LEKR1: variants seen among roughly 807,000 people sequenced by gnomAD.
LEKR1 encodes the protein leucine, glutamate and lysine rich 1, also known as protein LEKR1.
A neutral mutation model predicts 72.4 loss-of-function variants in LEKR1; 59 were observed. That is an observed-to-expected ratio of 0.82 (90% CI 0.66 to 1.01). The LOEUF is 1.01. Ranked by LOEUF, LEKR1 falls within the 50% of genes least tolerant of loss-of-function variation. The pLI, the probability that LEKR1 is intolerant of heterozygous loss-of-function variation, is 0.00. For synonymous variants in LEKR1, 257 were observed against 263.2 expected (o/e 0.98, Z 0.23); for missense variants, 728 against 759.2 (o/e 0.96, Z 0.48).
chr3:156,919,454 C>A (rs1327151270), intron 3 of LEKR1, among the ~76,000 whole-genome samples: 1 of 152,132 alleles, frequency 6.6e-6, no homozygotes, highest in Non-Finnish European at 1.5e-5. Flanking sequence ...GAGCTTATTC[C>A]TCTGCTGAAT....
intron 12 of LEKR1, among the ~76,000 whole-genome samples, chr3:157,041,310 G>C (rs956390117): frequency 2.0e-5 from 3 of 152,060 alleles, no homozygotes; most frequent in Non-Finnish European, 2.9e-5. Context: ...GGCTCCTACT[G>C]TCCTCCCTGG....
chr3:156,847,558 A>T (rs1714777265), intron 2 of LEKR1, among the ~76,000 whole-genome samples: 1 of 152,252 alleles, frequency 6.6e-6, no homozygotes, highest in South Asian at 2.1e-4. Flanking sequence ...ACAGTATTTC[A>T]TATCTTCTCA....
intron 3 of LEKR1, among the ~76,000 whole-genome samples, chr3:156,880,658 A>G (rs1030288003): frequency 5.3e-5 from 8 of 152,198 alleles, no homozygotes; most frequent in African/African-American, 1.9e-4. Context: ...TATGAGGCCA[A>G]CATCATCCTG....
At chr3:157,038,007 G>A (rs190736696) in intron 12 of LEKR1, among the ~76,000 whole-genome samples, 10 of 152,296 alleles carry the variant, frequency 6.6e-5, no homozygotes, top group South Asian at 6.2e-4. Context: ...TGGAGTCTTC[G>A]TAGGCTATGA....
At chr3:156,875,530 T>A (rs1718452146) in intron 3 of LEKR1, among the ~76,000 whole-genome samples, 1 of 152,232 alleles carries the variant, frequency 6.6e-6, no homozygotes, top group Non-Finnish European at 1.5e-5. Context: ...TTTAGTTTAA[T>A]TAAGTCCCAT....
At chr3:156,984,286 C>G (rs1730487978) in intron 7 of LEKR1, among the ~76,000 whole-genome samples, 1 of 152,098 alleles carries the variant, frequency 6.6e-6, no homozygotes, top group South Asian at 2.1e-4. Context: ...ATGCTTTACA[C>G]TTTGGATATA....
rs1293613010 is a variant in LEKR1 at position 157,045,868 on chromosome 3, A to G, written c.*118A>G. 1 of 900,422 alleles carries G rather than the reference A, an allele frequency of 1.1e-6. No individual in the cohort carries two copies. The highest frequency in any genetic ancestry group is 1.7e-6 in the Non-Finnish European group (1 of 602,476). The allele number at this position is 900,422 out of a possible 1,614,324, so 55.8% of individuals were successfully genotyped here. A position where few individuals can be genotyped will look rare whatever the true frequency, so the allele number is the denominator to read the frequency against. On this transcript the variant is annotated 3_prime_UTR_variant, in exon 13 of 13. Transcript: ENST00000356539. ...TTATTTTCACAGATCAGGAAGGCAT[A>G]CCTATAGATGTATTTAACAAAAGAC...
At chr3:156,938,251 C>T (rs1484408930) in intron 5 of LEKR1, among the ~76,000 whole-genome samples, 1 of 152,078 alleles carries the variant, frequency 6.6e-6, no homozygotes, top group African/African-American at 2.4e-5. Context: ...GCTACAGTTA[C>T]ACAAAATGTC....
At chr3:156,867,272 AC>A (rs1717420518) in intron 3 of LEKR1, among the ~76,000 whole-genome samples, 2 of 152,230 alleles carry the variant, frequency 1.3e-5, no homozygotes, top group African/African-American at 4.8e-5. Flanking sequence ...CAAATTGGAA[AC>A]TTTTTGAGTA....
intron 3 of LEKR1, among the ~76,000 whole-genome samples, chr3:156,904,819 AT>A (rs202183622): frequency 1.3e-5 from 2 of 150,894 alleles, no homozygotes; most frequent in Non-Finnish European, 3.0e-5. Flanking sequence ...GTGTGTATTT[AT>A]TTTTTTTTAT....
At chr3:156,963,364 C>T (rs1375278771) in intron 6 of LEKR1, among the ~76,000 whole-genome samples, 4 of 152,224 alleles carry the variant, frequency 2.6e-5, no homozygotes, top group Non-Finnish European at 4.4e-5. Flanking sequence ...CACACACAGA[C>T]ACTTTTACAC....
In LEKR1 at chr3:157,017,948, C is replaced by CAAAAAAAAAAAAAA. The variant is rs58950224; in HGVS notation, c.1203+6453_1203+6466dup. ...TGGGCCACAGAGCGAGACTCTGTCT[C>CAAAAAAAAAAAAAA]AAAAAAAAAAAAAAAAAAAAAAAAG... On this transcript the variant is annotated intron_variant, in intron 10 of 12. Coordinates refer to ENST00000356539, the MANE Select transcript of LEKR1 (RefSeq NM_001004316.3). Among the ~76,000 whole-genome samples, 57 of 82,960 alleles carry CAAAAAAAAAAAAAA rather than the reference C, an allele frequency of 6.9e-4. 1 individual carries two copies. The highest frequency in any genetic ancestry group is 3.6e-3 in the African/African-American group (50 of 13,800). 54.4% of individuals were successfully genotyped at this position (82,960 alleles called of 152,430 possible).
At chr3:156,880,981 G>T (rs1455197543) in intron 3 of LEKR1, among the ~76,000 whole-genome samples, 1 of 152,088 alleles carries the variant, frequency 6.6e-6, no homozygotes, top group Non-Finnish European at 1.5e-5. Flanking sequence ...AATAAATTAG[G>T]TATTGATGGG....
chr3:156,932,706 A>G (rs1458060707), intron 5 of LEKR1, among the ~76,000 whole-genome samples: 3 of 10,594 alleles, frequency 2.8e-4, no homozygotes, highest in Non-Finnish European at 7.3e-4. Flanking sequence ...ACTCTGTCTC[A>G]AAAAAAAAAA....
At chr3:156,846,190 C>T (rs1714573172) in intron 2 of LEKR1, among the ~76,000 whole-genome samples, 1 of 152,154 alleles carries the variant, frequency 6.6e-6, no homozygotes, top group Admixed American at 6.6e-5. Context: ...TGCAACCTTG[C>T]TGAACTTACT....
intron 1 of LEKR1, among the ~76,000 whole-genome samples, chr3:156,827,642 T>C (rs1711804733): frequency 6.6e-6 from 1 of 152,214 alleles, no homozygotes; most frequent in Non-Finnish European, 1.5e-5. Context: ...GAATGCCTAA[T>C]AAAATTGTTG....
chr3:157,004,841 T>C (rs188887384), intron 9 of LEKR1, among the ~76,000 whole-genome samples: 40 of 152,014 alleles, frequency 2.6e-4, no homozygotes, highest in Admixed American at 2.6e-3. Context: ...GACAAATGTC[T>C]ATGTGAAAAA....
At position 157,040,478 on chromosome 3, in the gene LEKR1, T is replaced by C. The variant is rs558905442; in HGVS notation, c.1669-4862T>C. Among the ~76,000 whole-genome samples the C allele has an allele frequency of 2.6e-5, 4 of 152,368 alleles. No individual in the cohort carries two copies. The South Asian group carries it at 8.3e-4, about 32-fold the overall frequency. ...TCCTGGAAATCTTTTCAGATTCTCATTCTTCTCTTACCAAAAGGCCATTTC... is the reference window on the plus strand; with the variant it reads ...TCCTGGAAATCTTTTCAGATTCTCACTCTTCTCTTACCAAAAGGCCATTTC... On this transcript the variant is annotated intron_variant, in intron 12 of 12. Coordinates refer to ENST00000356539, the MANE Select transcript of LEKR1 (RefSeq NM_001004316.3).
intron 12 of LEKR1, among the ~76,000 whole-genome samples, chr3:157,033,987 A>G (rs751002058): frequency 1.4e-4 from 21 of 152,156 alleles, no homozygotes; most frequent in Admixed American, 1.1e-3. Context: ...AGCCTGAATG[A>G]CAGCACATCT....
Sources: allele counts gnomAD v4.1 joint callset (sites outside exome capture counted in the v4.1 genomes callset), GRCh38; gene constraint gnomAD v4.1.1; transcripts MANE v1.5; gene names NCBI Gene and HGNC (gene_info 2026-07-23, HGNC 2026-07-21).